The following CHRNB1 variants were observed in gnomAD, a reference collection of about 807,000 sequenced individuals.
CHRNB1 encodes the protein acetylcholine receptor subunit beta.
CHRNB1 carries 47 observed loss-of-function variants against 53.8 expected under a neutral mutation model. That is an observed-to-expected ratio of 0.87 (90% CI 0.69 to 1.11). CHRNB1 has a LOEUF of 1.11. Among genes scored for constraint, CHRNB1 ranks in the 50% most tolerant of loss-of-function variants. The pLI is 0.00. For synonymous variants in CHRNB1, 259 were observed against 263.5 expected (o/e 0.98, Z 0.16); for missense variants, 605 against 654.9 (o/e 0.92, Z 0.83).
intron 3 of CHRNB1, 44 bp downstream of exon 3, chr17:7,446,157 G>C: frequency 6.5e-7 from 1 of 1,532,164 alleles, no homozygotes; most frequent in Non-Finnish European, 9.0e-7. Context: ...CCTCTGCCTT[G>C]ACAATTTCCT....
intron 7 of CHRNB1, 128 bp from the exon 8 acceptor site, chr17:7,454,169 G>A (rs1908987339): frequency 6.0e-6 from 5 of 829,192 alleles, no homozygotes; most frequent in Non-Finnish European, 1.0e-5. Flanking sequence ...CAGGACTACA[G>A]GTGTGAACCA....
chr17:7,454,579 A>G (rs1489911996), intron 8 of CHRNB1, 59 bp downstream of exon 8: 1 of 1,364,840 alleles, frequency 7.3e-7, no homozygotes, highest in Non-Finnish European at 1.0e-6. Flanking sequence ...AGGGAGAACT[A>G]TAGCTATGTG....
rs1567676141 is a variant in CHRNB1, at chr17:7,445,092, CTCTCTGAGCGAAG to C, written c.-33_-21del. 1.3e-6 allele frequency: 2 copies of C among 1,598,950 alleles called. No homozygotes were observed. The highest frequency in any genetic ancestry group is 1.7e-5 in the Admixed American group (1 of 58,740). On this transcript the variant is annotated 5_prime_UTR_variant, in exon 1 of 11. Transcript: ENST00000306071. This position sits in a 1 kb window ranked among gnomAD's most constrained non-coding sequence, Gnocchi z 5.7. ...TCCCCTGTGCTGGCGGTCCCAGCGG[CTCTCTGAGCGAAG>C]TCACTGAGCGAGCCGCCAGGCTATG...
intron 7 of CHRNB1, among the ~76,000 whole-genome samples, chr17:7,453,828 A>G (rs1908975513): frequency 6.6e-6 from 1 of 151,692 alleles, no homozygotes; most frequent in Non-Finnish European, 1.5e-5. Context: ...TGGGAGGCCA[A>G]GGTGGGTGGA....
At position 7,445,223 on chromosome 17, in the gene CHRNB1, C is replaced by G. The variant is rs200985395; in HGVS notation, c.58+38C>G. 4 of 1,611,342 alleles carry G rather than the reference C, an allele frequency of 2.5e-6. No individual in the cohort carries two copies. The highest frequency in any genetic ancestry group is 3.4e-6 in the Non-Finnish European group (4 of 1,179,370). ...CCCGAAGGGGCAGTGACGGGGCCAG[C>G]GGTCGTGGCCAGGCACCAGGGCTGC... is the stretch of plus-strand genomic sequence containing the variant. On this transcript the variant is annotated intron_variant, in intron 1 of 10. Coordinates refer to ENST00000306071, the MANE Select transcript of CHRNB1 (RefSeq NM_000747.3). The surrounding 1 kb of genome is among the most constrained non-coding windows in gnomAD (Gnocchi z 5.7).
intron 9 of CHRNB1, 146 bp from the exon 10 acceptor site, chr17:7,455,648 C>G: frequency 7.8e-7 from 1 of 1,285,816 alleles, no homozygotes. Flanking sequence ...TTGCACAAGG[C>G]TAGAGAGATC....
rs370471983 is a variant in CHRNB1 at position 7,446,303 on chromosome 17, TTGTGTG to T, written c.243+208_243+213del. The T allele has an allele frequency of 1.1e-3, 540 of 478,006 alleles. 3 individuals are homozygous for T. Among genetic ancestry groups the T allele is most frequent in the African/African-American group, 7.7e-3 (337 of 43,800 alleles). The allele number at this position is 478,006 out of a possible 1,614,324, so 29.6% of individuals were successfully genotyped here. The stretch of plus-strand genomic sequence containing the variant: ...ACCCCATGCATTTTTAATTCCAATT[TTGTGTG>T]TGTGTGTGTGTGTGTGTCTGTGTGT... On this transcript the variant is annotated intron_variant, in intron 3 of 10. Transcript: ENST00000306071.
chr17:7,447,584 C>T lies in CHRNB1; in HGVS notation c.544C>T (p.Gln182Ter). ...YSYDSSEVSL[Q>*]TGLGPDGQGH... is the part of the protein sequence containing the mutation. ...CTACGACAGCTCGGAGGTCAGCCTG[C>T]AGACAGGCCTGGGTCCTGACGGGCA... The change falls in exon 6 of 11, where the codon CAG becomes TAG. Residue 182 changes from glutamine to a stop codon, truncating the protein, a stop_gained. Coordinates refer to ENST00000306071, the MANE Select transcript of CHRNB1 (RefSeq NM_000747.3). LOFTEE classifies it high-confidence loss of function. 1.2e-6 allele frequency: 2 copies of T among 1,614,200 alleles called. No individual in the cohort carries two copies. The highest frequency in any genetic ancestry group is 1.7e-5 in the Admixed American group (1 of 60,022).
chr17:7,452,046 CTTTCCT>C (rs1908907192), intron 7 of CHRNB1, among the ~76,000 whole-genome samples: 1 of 145,998 alleles, frequency 6.8e-6, no homozygotes, highest in Non-Finnish European at 1.5e-5. Flanking sequence ...CTATTTCTTT[CTTTCCT>C]TTTTCTTTTT....
chr17:7,446,048 C>T (rs750919246), intron 2 of CHRNB1, 21 bp from the exon 3 acceptor site: 2 of 1,613,296 alleles, frequency 1.2e-6, no homozygotes, highest in Non-Finnish European at 1.7e-6. Flanking sequence ...CACCTTTACG[C>T]CTTAAATTTT....
intron 7 of CHRNB1, among the ~76,000 whole-genome samples, chr17:7,451,439 C>A (rs1908886389): frequency 6.6e-6 from 1 of 151,888 alleles, no homozygotes; most frequent in African/African-American, 2.4e-5. Flanking sequence ...AGCCACCATG[C>A]CTGAGTAATT....
Position 7,445,528 on chromosome 17 carries a change from G to A in CHRNB1, c.198+119G>A. The A allele has an allele frequency of 6.5e-7, 1 of 1,530,590 alleles. No homozygotes were observed. Among genetic ancestry groups the A allele is most frequent in the Non-Finnish European group, 8.7e-7 (1 of 1,142,922 alleles). The allele number at this position is 1,530,590 out of a possible 1,614,324, so 94.8% of individuals were successfully genotyped here. ...CCTGGGACGAGACCAGGCTGAGATG[G>A]ACCAGCCTTTGGTGAAGATTGGATC... is the stretch of plus-strand genomic sequence containing the variant. On this transcript the variant is annotated intron_variant, in intron 2 of 10. Transcript: ENST00000306071. This position sits in a 1 kb window ranked among gnomAD's most constrained non-coding sequence, Gnocchi z 5.7.
At chr17:7,448,892 T>G in intron 7 of CHRNB1, 104 bp downstream of exon 7, 1 of 1,290,328 alleles carries the variant, frequency 7.7e-7, no homozygotes, top group Non-Finnish European at 1.1e-6. Context: ...GCATCATAGA[T>G]TGGGCTTCAG....
In CHRNB1 at chr17:7,447,542, G is replaced by A. The variant is rs2150838662; in HGVS notation, c.502G>A (p.Val168Met). The A allele has an allele frequency of 6.2e-7, 1 of 1,614,142 alleles. No individual in the cohort carries two copies. Among genetic ancestry groups the A allele is most frequent in the Non-Finnish European group, 8.5e-7 (1 of 1,180,036 alleles). Residue 168 changes from valine to methionine, a missense_variant, in exon 6 of 11, where the codon GTG becomes ATG. Transcript: ENST00000306071. ...CTTCGACTGGCAGAATTGCACTATG[G>A]TGTTCAGCTCCTACAGCTACGACAG... Reference protein sequence around the residue: ...FPFDWQNCTMVFSSYSYDSSE... With the variant: ...FPFDWQNCTMMFSSYSYDSSE...
chr17:7,447,890 G>T (rs1244679392), intron 6 of CHRNB1, among the ~76,000 whole-genome samples: 1 of 151,608 alleles, frequency 6.6e-6, no homozygotes, highest in African/African-American at 2.4e-5. Flanking sequence ...CCAGCCTAAC[G>T]TGGTGAAACC....
rs1475117158 is a variant in CHRNB1, at chr17:7,445,843, G to A, written c.199-226G>A. 3 of 626,026 alleles carry A rather than the reference G, an allele frequency of 4.8e-6. No individual in the cohort carries two copies. The highest frequency in any genetic ancestry group is 8.5e-6 in the Non-Finnish European group (3 of 354,290). 38.8% of individuals were successfully genotyped at this position (626,026 alleles called of 1,614,324 possible). A position where few individuals can be genotyped will look rare whatever the true frequency, so the allele number is the denominator to read the frequency against. On this transcript the variant is annotated intron_variant, in intron 2 of 10. Transcript: ENST00000306071. The surrounding 1 kb of genome is among the most constrained non-coding windows in gnomAD (Gnocchi z 5.7). ...GAGCTAGGCGGAGGGCTAGGCAGGG[G>A]CGGGTCTGGTAGGTTGATAGGCTGG...
At position 7,455,924 on chromosome 17, in the gene CHRNB1, C is replaced by G. The variant is rs746049604; in HGVS notation, c.1348C>G (p.Gln450Glu). The G allele has an allele frequency of 1.2e-6, 2 of 1,614,012 alleles. No homozygotes were observed. Among genetic ancestry groups the G allele is most frequent in the East Asian group, 4.5e-5 (2 of 44,876 alleles). ...ISYIARQLQEQEDHDALKEDW... is the reference protein window; with the variant it reads ...ISYIARQLQEEEDHDALKEDW... ...CTACATCGCTCGACAGCTGCAGGAACAGGAGGACCACGATGCGGTATGTCC... is the reference window on the plus strand; with the variant it reads ...CTACATCGCTCGACAGCTGCAGGAAGAGGAGGACCACGATGCGGTATGTCC... The change falls in exon 10 of 11, where the codon CAG (glutamine) becomes GAG (glutamate). Residue 450 changes from glutamine (Q) to glutamate (E), a missense_variant. Physicochemically the swap from Gln to Glu is conservative, Grantham distance 29. Transcript: ENST00000306071.
chr17:7,456,713 C>T lies in CHRNB1; in HGVS notation c.1496C>T (p.Pro499Leu). ...ACGTACCACTTGCCCCCTCCAGACCCCTTTCCTTGAAGACTGGAGGGTTGA... is the reference window on the plus strand; with the variant it reads ...ACGTACCACTTGCCCCCTCCAGACCTCTTTCCTTGAAGACTGGAGGGTTGA... ...DATYHLPPPD[P>L]FP The change falls in exon 11 of 11, where the codon CCC becomes CTC. Residue 499 changes from proline to leucine, a missense_variant. Transcript: ENST00000306071. The T allele has an allele frequency of 6.2e-7, 1 of 1,614,182 alleles. No individual in the cohort carries two copies. Among genetic ancestry groups the T allele is most frequent in the South Asian group, 1.1e-5 (1 of 91,088 alleles).
chr17:7,449,701 C>T lies in CHRNB1; in HGVS notation c.820+913C>T, dbSNP rs549749821. Among the ~76,000 whole-genome samples the T allele has an allele frequency of 1.8e-4, 28 of 152,038 alleles. No homozygotes were observed. In the South Asian group the frequency reaches 3.3e-3, roughly 18 times the overall value. Reference sequence around the variant, plus strand: ...CTGGGCTTATAGGCATGAGCCACCGCGCTCGGCCCCCACTAGTCCTTTAAC... The same window carrying T: ...CTGGGCTTATAGGCATGAGCCACCGTGCTCGGCCCCCACTAGTCCTTTAAC... On this transcript the variant is annotated intron_variant, in intron 7 of 10. Transcript: ENST00000306071.
Sources: allele counts gnomAD v4.1 joint callset (sites outside exome capture counted in the v4.1 genomes callset), GRCh38; gene constraint gnomAD v4.1.1; non-coding constraint Gnocchi (gnomAD v3.1); transcripts MANE v1.5; gene names NCBI Gene and HGNC (gene_info 2026-07-23, HGNC 2026-07-21).